Variants in NRXN1 observed in about 807,000 individuals in gnomAD.
NRXN1 encodes the protein neurexin 1, also known as neurexin-1.
In NRXN1, 39 loss-of-function variants were observed where a neutral mutation model predicts 150.9. That is an observed-to-expected ratio of 0.26 (90% CI 0.20 to 0.34). The LOEUF (loss-of-function observed/expected upper bound fraction) is 0.34, where lower values mean the gene tolerates loss of function less well. Among genes scored for constraint, NRXN1 ranks in the 10% least tolerant of loss-of-function variants. The pLI, the probability that NRXN1 is intolerant of heterozygous loss-of-function variation, is 1.00. For synonymous variants in NRXN1, 924 were observed against 757.0 expected, an observed-to-expected ratio of 1.22 and a Z score of -3.62; for missense variants, 1,815 against 1,949.9, an observed-to-expected ratio of 0.93 and a Z score of 1.30.
At chr2:50,213,553 C>G (rs2063180964) in intron 18 of NRXN1, among the ~76,000 whole-genome samples, 2 of 151,772 alleles carry the variant, frequency 1.3e-5, no homozygotes, top group African/African-American at 4.8e-5. Flanking sequence ...CCAGGCAGCC[C>G]TCTGATGCTT....
intron 17 of NRXN1, among the ~76,000 whole-genome samples, chr2:50,340,091 T>C (rs927051860): frequency 6.6e-6 from 1 of 152,170 alleles, no homozygotes; most frequent in Non-Finnish European, 1.5e-5. Context: ...GACATAATCA[T>C]CACCTCTTTA....
chr2:50,313,824 G>A (rs1040384484), intron 17 of NRXN1, among the ~76,000 whole-genome samples: 6 of 152,030 alleles, frequency 3.9e-5, no homozygotes, highest in Non-Finnish European at 8.8e-5. Flanking sequence ...CAAATGTCTC[G>A]TGTTTTCATG....
intron 2 of NRXN1, among the ~76,000 whole-genome samples, chr2:50,975,690 C>G (rs991524788): frequency 6.6e-6 from 1 of 152,052 alleles, no homozygotes; most frequent in Non-Finnish European, 1.5e-5. Context: ...TGCGTCCTTT[C>G]TTTTTTGGAA....
chr2:50,143,030 A>G (rs79934676), intron 18 of NRXN1, among the ~76,000 whole-genome samples: 15,273 of 151,954 alleles, frequency 0.1, 898 homozygotes, highest in Middle Eastern at 0.19. Context: ...TTCCTTCTTT[A>G]TGAGCCTGTT....
At chr2:50,152,722 T>C (rs1485398549) in intron 18 of NRXN1, among the ~76,000 whole-genome samples, 1 of 151,838 alleles carries the variant, frequency 6.6e-6, no homozygotes, top group Non-Finnish European at 1.5e-5. Flanking sequence ...CATGTATGAA[T>C]GACTTGCTTC....
Position 50,608,511 on chromosome 2 carries a change from A to G in NRXN1, c.1320+11511T>C, listed in dbSNP as rs182025134. On this transcript the variant is annotated intron_variant, in intron 8 of 22. Coordinates refer to ENST00000401669, the MANE Select transcript of NRXN1 (RefSeq NM_001330078.2). Reference sequence around the variant, plus strand: ...GGCTTTATTTCCTTTTAAACTACCTAAAAACTACAGCTTTTAGTTACATGT... The same window carrying G: ...GGCTTTATTTCCTTTTAAACTACCTGAAAACTACAGCTTTTAGTTACATGT... Among the ~76,000 whole-genome samples the G allele has an allele frequency of 5.3e-5, 8 of 150,122 alleles. No homozygotes were observed. The East Asian group carries it at 1.6e-3, about 30-fold the overall frequency.
intron 17 of NRXN1, among the ~76,000 whole-genome samples, chr2:50,381,433 A>T (rs2080952104): frequency 6.6e-6 from 1 of 151,574 alleles, no homozygotes; most frequent in Non-Finnish European, 1.5e-5. Flanking sequence ...TACTGGGCTT[A>T]CGGCATGCCA....
chr2:50,559,719 A>C (rs1295635314), intron 8 of NRXN1, among the ~76,000 whole-genome samples: 1 of 152,204 alleles, frequency 6.6e-6, no homozygotes, highest in African/African-American at 2.4e-5. Context: ...GTTAGAATAT[A>C]TGGTATATCT....
intron 18 of NRXN1, among the ~76,000 whole-genome samples, chr2:50,122,537 T>C (rs1248550302): frequency 6.6e-6 from 1 of 152,238 alleles, no homozygotes. Context: ...TGTTCTTTGT[T>C]TGGCGGTTGT....
intron 17 of NRXN1, among the ~76,000 whole-genome samples, chr2:50,386,189 A>T (rs2351517): frequency 0.28 from 42,462 of 151,930 alleles, 6,168 homozygotes; most frequent in East Asian, 0.45. Flanking sequence ...TATTAAAGAC[A>T]TCAATCATAC....
At chr2:50,627,856 T>C (rs1681446500) in intron 5 of NRXN1, among the ~76,000 whole-genome samples, 1 of 151,662 alleles carries the variant, frequency 6.6e-6, no homozygotes, top group South Asian at 2.1e-4. Context: ...CTAATCCAGA[T>C]ACTGTCTAAC....
intron 19 of NRXN1, among the ~76,000 whole-genome samples, chr2:50,086,832 G>C (rs1300626840): frequency 1.4e-5 from 2 of 147,982 alleles, no homozygotes; most frequent in East Asian, 1.9e-4. Context: ...GAGAGAGAGA[G>C]AGAGAGAGAG....
At chr2:50,596,600 T>C (rs62142319) in intron 8 of NRXN1, among the ~76,000 whole-genome samples, 33,267 of 152,168 alleles carry the variant, frequency 0.22, 3,783 homozygotes, top group Middle Eastern at 0.29. Flanking sequence ...ACTGTGTAGT[T>C]CACAGTAATT....
intron 8 of NRXN1, among the ~76,000 whole-genome samples, chr2:50,593,966 A>C (rs1674719553): frequency 6.6e-6 from 1 of 152,230 alleles, no homozygotes; most frequent in Non-Finnish European, 1.5e-5. Flanking sequence ...ACATTGATAC[A>C]TTATTTTGAA....
chr2:50,434,221 G>A (rs947724311), intron 17 of NRXN1, among the ~76,000 whole-genome samples: 3 of 142,006 alleles, frequency 2.1e-5, no homozygotes, highest in Non-Finnish European at 4.6e-5. Flanking sequence ...CACCATGCCC[G>A]GCTAATTTTT....
chr2:50,347,503 C>CA lies in NRXN1; in HGVS notation c.3365-110534dup. ...AATCCAGGCGCCCCTTCCCTCCATT[C>CA]AGCCCCGGCCGGCTCGCCCGCTAGC... On this transcript the variant is annotated intron_variant, in intron 17 of 22. Transcript: ENST00000401669. This position sits in a 1 kb window ranked among gnomAD's most constrained non-coding sequence, Gnocchi z 4.9. The CA allele has an allele frequency of 9.5e-7, 1 of 1,055,946 alleles. No individual in the cohort carries two copies. Among genetic ancestry groups the CA allele is most frequent in the Non-Finnish European group, 1.1e-6 (1 of 871,656 alleles). The allele number at this position is 1,055,946 out of a possible 1,614,324, so 65.4% of individuals were successfully genotyped here.
chr2:50,450,398 C>A (rs2104527111), intron 17 of NRXN1, among the ~76,000 whole-genome samples: 1 of 150,732 alleles, frequency 6.6e-6, no homozygotes, highest in Admixed American at 6.6e-5. Flanking sequence ...AAACACCAGG[C>A]ATGGTTGGAA....
chr2:50,411,694 TG>T (rs34043496), intron 17 of NRXN1, among the ~76,000 whole-genome samples: 76,911 of 149,680 alleles, frequency 0.51, 21,724 homozygotes, highest in East Asian at 0.8. Context: ...GTCTGGGAGG[TG>T]GGGGGGCAGC....
chr2:50,217,939 T>A (rs763417457), intron 18 of NRXN1, among the ~76,000 whole-genome samples: 4 of 152,042 alleles, frequency 2.6e-5, no homozygotes, highest in Non-Finnish European at 5.9e-5. Context: ...GGCACATAAT[T>A]AGCCAGACAC....
Sources: gnomAD v4.1 joint callset for allele counts (sites outside exome capture counted in the v4.1 genomes callset) on GRCh38, gnomAD v4.1.1 for gene constraint, Gnocchi (gnomAD v3.1) non-coding constraint, MANE v1.5 for transcripts, NCBI Gene and HGNC (gene_info 2026-07-23, HGNC 2026-07-21) for gene names.